PARM1: variants seen among roughly 807,000 people sequenced by gnomAD.
The protein encoded by PARM1 is WSC4, cell wall integrity and stress response component 4 homolog.
A neutral mutation model predicts 24.6 loss-of-function variants in PARM1; 14 were observed. The observed-to-expected ratio is 0.57, with a 90% confidence interval of 0.38 to 0.89. The LOEUF (loss-of-function observed/expected upper bound fraction) is 0.89, where lower values mean the gene tolerates loss of function less well. PARM1 is among the 40% of genes least tolerant of loss of function. The pLI is 0.00. For synonymous variants in PARM1, 179 were observed against 156.6 expected, an observed-to-expected ratio of 1.14 and a Z score of -1.07; for missense variants, 362 against 380.4, an observed-to-expected ratio of 0.95 and a Z score of 0.40.
chr4:75,021,547 T>C lies in PARM1; in HGVS notation c.769+8397T>C, dbSNP rs1336981934. On this transcript the variant is annotated intron_variant, in intron 2 of 3. Transcript: ENST00000307428. ...TCATGCGAGTTTGTTGTACAGATTA[T>C]TTTGTTACTGAGGTAATAAGCATAG... 1.3e-4 allele frequency among the ~76,000 whole-genome samples: 20 copies of C among 152,180 alleles called. 1 individual carries two copies. Among genetic ancestry groups the C allele is most frequent in the Admixed American group, 1.3e-3 (20 of 15,280 alleles).
At chr4:75,008,126 A>T (rs1194617599) in intron 1 of PARM1, among the ~76,000 whole-genome samples, 1 of 152,384 alleles carries the variant, frequency 6.6e-6, no homozygotes, top group East Asian at 1.9e-4. Context: ...CCCAGGAGTC[A>T]GTGCATTATG....
chr4:74,991,834 A>G (rs1722478808), intron 1 of PARM1, among the ~76,000 whole-genome samples: 1 of 152,198 alleles, frequency 6.6e-6, no homozygotes, highest in Non-Finnish European at 1.5e-5. Flanking sequence ...TAACTTACAC[A>G]TGTCCCAGAA....
At chr4:74,976,050 C>T (rs1334110238) in intron 1 of PARM1, among the ~76,000 whole-genome samples, 1 of 152,168 alleles carries the variant, frequency 6.6e-6, no homozygotes, top group Non-Finnish European at 1.5e-5. Flanking sequence ...TGTGCTACCT[C>T]ACCAGGGAAA....
At chr4:75,028,922 A>G (rs911000494) in intron 2 of PARM1, among the ~76,000 whole-genome samples, 1 of 152,244 alleles carries the variant, frequency 6.6e-6, no homozygotes, top group Non-Finnish European at 1.5e-5. Context: ...AAGTGAAATA[A>G]AAAGAAAATC....
At chr4:74,939,184 G>A (rs767758792) in intron 1 of PARM1, among the ~76,000 whole-genome samples, 42 of 152,124 alleles carry the variant, frequency 2.8e-4, no homozygotes, top group Non-Finnish European at 1.3e-4. Flanking sequence ...TACAGGATTA[G>A]CTTTATTTTG....
chr4:74,985,547 A>G (rs1365024959), intron 1 of PARM1, among the ~76,000 whole-genome samples: 1 of 152,172 alleles, frequency 6.6e-6, no homozygotes, highest in African/African-American at 2.4e-5. Flanking sequence ...TAACAAAGCA[A>G]CTTGCTTAAG....
intron 1 of PARM1, among the ~76,000 whole-genome samples, chr4:74,995,929 G>A (rs1578043677): frequency 1.3e-5 from 2 of 152,132 alleles, no homozygotes; most frequent in African/African-American, 4.8e-5. Context: ...TTTGGTCCTG[G>A]ATGATTTTTT....
intron 1 of PARM1, among the ~76,000 whole-genome samples, chr4:75,009,157 G>C (rs1722824886): frequency 6.6e-6 from 1 of 152,174 alleles, no homozygotes; most frequent in South Asian, 2.1e-4. Context: ...GGCCTAAGTT[G>C]GGAGGTCTGT....
chr4:74,935,425 T>G (rs1721159895), intron 1 of PARM1, among the ~76,000 whole-genome samples: 1 of 152,174 alleles, frequency 6.6e-6, no homozygotes. Context: ...AATTTTAAGG[T>G]GTTTTCAGAA....
chr4:75,035,362 G>C (rs1261278163), intron 3 of PARM1, among the ~76,000 whole-genome samples: 1 of 152,160 alleles, frequency 6.6e-6, no homozygotes, highest in African/African-American at 2.4e-5. Context: ...GACGGTGCTT[G>C]ATACATTGAA....
chr4:74,992,439 G>A (rs764868528), intron 1 of PARM1, among the ~76,000 whole-genome samples: 3 of 151,954 alleles, frequency 2.0e-5, no homozygotes, highest in African/African-American at 7.3e-5. Context: ...AAGACCTAAC[G>A]GCTTACATTT....
intron 3 of PARM1, among the ~76,000 whole-genome samples, chr4:75,035,782 T>C (rs1723357509): frequency 1.3e-5 from 2 of 152,136 alleles, no homozygotes. Context: ...GAAATTGGAA[T>C]TAAAGGGCCC....
chr4:74,938,436 T>C (rs1200506062), intron 1 of PARM1, among the ~76,000 whole-genome samples: 1 of 152,216 alleles, frequency 6.6e-6, no homozygotes, highest in Non-Finnish European at 1.5e-5. Context: ...ATCAAACTTA[T>C]TTGTCTTGTT....
chr4:74,936,422 G>A (rs987484178), intron 1 of PARM1, among the ~76,000 whole-genome samples: 1 of 149,022 alleles, frequency 6.7e-6, no homozygotes, highest in African/African-American at 2.5e-5. Context: ...TGCCACCATG[G>A]TTGTTACATT....
At chr4:74,962,090 A>C (rs1237765016) in intron 1 of PARM1, among the ~76,000 whole-genome samples, 1 of 152,204 alleles carries the variant, frequency 6.6e-6, no homozygotes, top group Non-Finnish European at 1.5e-5. Context: ...AAATTAATGC[A>C]TAAAAATTTG....
intron 1 of PARM1, among the ~76,000 whole-genome samples, chr4:74,999,472 C>T (rs1722637329): frequency 6.6e-6 from 1 of 152,102 alleles, no homozygotes; most frequent in Non-Finnish European, 1.5e-5. Flanking sequence ...GCATTAAAAT[C>T]CATGAGGTGT....
chr4:74,989,095 A>G (rs944416143), intron 1 of PARM1, among the ~76,000 whole-genome samples: 10 of 152,192 alleles, frequency 6.6e-5, no homozygotes, highest in Admixed American at 1.3e-4. Context: ...TCTTAATACA[A>G]CACAGCACCT....
intron 1 of PARM1, among the ~76,000 whole-genome samples, chr4:75,011,733 G>A (rs554424476): frequency 2.0e-5 from 3 of 152,288 alleles, no homozygotes; most frequent in African/African-American, 7.2e-5. Context: ...AATTTCAGAC[G>A]ACAGGGTTCC....
chr4:74,936,231 A>G (rs1721180447), intron 1 of PARM1, among the ~76,000 whole-genome samples: 1 of 152,098 alleles, frequency 6.6e-6, no homozygotes, highest in East Asian at 1.9e-4. Context: ...TCTATAAACC[A>G]TTTTCAAACA....
Sources: gnomAD v4.1 joint callset for allele counts (sites outside exome capture counted in the v4.1 genomes callset) on GRCh38, gnomAD v4.1.1 for gene constraint, MANE v1.5 for transcripts, NCBI Gene and HGNC (gene_info 2026-07-23, HGNC 2026-07-21) for gene names.